OPCML: variants seen among roughly 807,000 people sequenced by gnomAD.
OPCML encodes opioid-binding protein/cell adhesion molecule.
OPCML carries 13 observed loss-of-function variants against 37.8 expected under a neutral mutation model. The ratio of observed to expected loss-of-function variants is 0.34; its 90% CI spans 0.22 to 0.55. The LOEUF (loss-of-function observed/expected upper bound fraction) is 0.55, where lower values mean the gene tolerates loss of function less well. Among genes scored for constraint, OPCML ranks in the 20% least tolerant of loss-of-function variants. OPCML has a pLI of 0.91. For missense variants in OPCML, 341 were observed against 435.6 expected (o/e 0.78, Z 1.93); for synonymous variants, 176 against 168.8 (o/e 1.04, Z -0.33).
chr11:133,007,313 T>C (rs1947131925), intron 1 of OPCML: 6 of 985,304 alleles, frequency 6.1e-6, no homozygotes, highest in Non-Finnish European at 7.2e-6. Flanking sequence ...CATCTATAAA[T>C]GACCTCAGCA....
At chr11:133,185,188 A>G (rs1938016402) in intron 1 of OPCML, among the ~76,000 whole-genome samples, 2 of 152,220 alleles carry the variant, frequency 1.3e-5, no homozygotes, top group South Asian at 2.1e-4. Flanking sequence ...TAGCCCTAAA[A>G]TACCTTAAGA....
chr11:133,056,602 A>G (rs1007683411), intron 1 of OPCML, among the ~76,000 whole-genome samples: 25 of 152,230 alleles, frequency 1.6e-4, no homozygotes, highest in African/African-American at 6.0e-4. Flanking sequence ...CTCCAAACTC[A>G]GTTTAACTGA....
intron 4 of OPCML, among the ~76,000 whole-genome samples, chr11:132,503,579 A>G: frequency 6.6e-6 from 1 of 152,354 alleles, no homozygotes; most frequent in Middle Eastern, 3.4e-3. Context: ...AACTCTAAAA[A>G]TTTAAAAAAC....
chr11:132,908,295 C>T (rs1165615495), intron 2 of OPCML, among the ~76,000 whole-genome samples: 1 of 152,208 alleles, frequency 6.6e-6, no homozygotes, highest in East Asian at 1.9e-4. Context: ...CTCTCACACA[C>T]ACACATATAT....
chr11:133,112,958 C>T (rs1054908485), intron 1 of OPCML, among the ~76,000 whole-genome samples: 11 of 152,236 alleles, frequency 7.2e-5, no homozygotes, highest in African/African-American at 2.7e-4. Flanking sequence ...TACTCCATGC[C>T]AGACCTGGGC....
chr11:132,763,477 G>T (rs1310706867), intron 2 of OPCML, among the ~76,000 whole-genome samples: 1 of 152,162 alleles, frequency 6.6e-6, no homozygotes, highest in African/African-American at 2.4e-5. Context: ...TTTGAAAAGT[G>T]ACGCTCTTTC....
At chr11:133,105,700 G>T (rs1949145961) in intron 1 of OPCML, among the ~76,000 whole-genome samples, 1 of 152,204 alleles carries the variant, frequency 6.6e-6, no homozygotes, top group Non-Finnish European at 1.5e-5. Flanking sequence ...AGAAAAAGAG[G>T]CTGGGCACGG....
At chr11:132,881,078 A>ACAG (rs1488188140) in intron 2 of OPCML, among the ~76,000 whole-genome samples, 1 of 152,250 alleles carries the variant, frequency 6.6e-6, no homozygotes, top group Non-Finnish European at 1.5e-5. Context: ...CAAGTTGCCC[A>ACAG]CAGCACTCTG....
At chr11:133,313,961 C>T (rs7930006) in intron 1 of OPCML, among the ~76,000 whole-genome samples, 90,555 of 151,914 alleles carry the variant, frequency 0.6, 28,812 homozygotes, top group East Asian at 0.85. Context: ...TCAGGCTGGG[C>T]GCAGTGGCTC....
At chr11:133,057,655 T>G (rs775706527) in intron 1 of OPCML, among the ~76,000 whole-genome samples, 17 of 152,148 alleles carry the variant, frequency 1.1e-4, no homozygotes, top group Non-Finnish European at 2.5e-4. Context: ...TGCCCTTTTT[T>G]CAAAGGACAG....
rs79829327 is a variant in OPCML, at chr11:132,768,771, C to T, written c.147-111452G>A. 4.7e-4 allele frequency among the ~76,000 whole-genome samples: 71 copies of T among 152,216 alleles called. 1 individual carries two copies. In the Middle Eastern group the frequency reaches 0.014, roughly 29 times the overall value. On this transcript the variant is annotated intron_variant, in intron 2 of 7. Transcript: ENST00000524381. ...TACACCCTCTGCTCTGAGTGCCAGC[C>T]AGGCCCCCAGCAAGGAGACCCGGGC...
At chr11:132,578,843 T>C (rs777403639) in intron 3 of OPCML, among the ~76,000 whole-genome samples, 2 of 152,178 alleles carry the variant, frequency 1.3e-5, no homozygotes, top group Non-Finnish European at 2.9e-5. Flanking sequence ...CAACAATTGA[T>C]GCATGGCTGG....
intron 1 of OPCML, among the ~76,000 whole-genome samples, chr11:133,184,788 A>G (rs1937999375): frequency 6.6e-6 from 1 of 152,208 alleles, no homozygotes; most frequent in African/African-American, 2.4e-5. Context: ...GTTATTTAGC[A>G]CAGGCAAGAG....
At chr11:132,726,878 T>G (rs2135996539) in intron 2 of OPCML, among the ~76,000 whole-genome samples, 1 of 152,280 alleles carries the variant, frequency 6.6e-6, no homozygotes, top group East Asian at 1.9e-4. Flanking sequence ...CCCTCCGCAC[T>G]TCCTACCAAA....
At chr11:132,819,275 G>C (rs1207884764) in intron 2 of OPCML, among the ~76,000 whole-genome samples, 6 of 151,158 alleles carry the variant, frequency 4.0e-5, no homozygotes, top group African/African-American at 9.7e-5. Context: ...CAGGGGAAAA[G>C]ATATTGAAGC....
chr11:133,026,313 C>A, intron 1 of OPCML: 1 of 918,292 alleles, frequency 1.1e-6, no homozygotes, highest in Non-Finnish European at 1.3e-6. Context: ...GCTTGTTCAG[C>A]TGTCAACATT....
At chr11:132,490,232 T>C (rs1219861225) in intron 4 of OPCML, among the ~76,000 whole-genome samples, 1 of 151,862 alleles carries the variant, frequency 6.6e-6, no homozygotes, top group African/African-American at 2.4e-5. Context: ...CTGTAATCTC[T>C]TTTGACAAGC....
chr11:132,929,664 T>G (rs34316506), intron 2 of OPCML, among the ~76,000 whole-genome samples: 15,325 of 152,176 alleles, frequency 0.1, 1,024 homozygotes, highest in African/African-American at 0.18. Context: ...CAAAAATCTT[T>G]CACAAAATGT....
chr11:132,433,029 C>A (rs907500786), intron 7 of OPCML, among the ~76,000 whole-genome samples: 9 of 152,118 alleles, frequency 5.9e-5, no homozygotes, highest in African/African-American at 2.2e-4. Flanking sequence ...TCAGGAAAGT[C>A]TTCCTTCAGG....
Sources: gnomAD v4.1 joint callset for allele counts (sites outside exome capture counted in the v4.1 genomes callset) on GRCh38, gnomAD v4.1.1 for gene constraint, MANE v1.5 for transcripts, NCBI Gene and HGNC (gene_info 2026-07-23, HGNC 2026-07-21) for gene names.